The following CSMD3 variants were observed in gnomAD, a reference collection of about 807,000 sequenced individuals.
The protein encoded by CSMD3 is CUB and sushi domain-containing protein 3.
In CSMD3, 177 loss-of-function variants were observed where a neutral mutation model predicts 435.2. The ratio of observed to expected loss-of-function variants is 0.41; its 90% CI spans 0.36 to 0.46. The LOEUF (loss-of-function observed/expected upper bound fraction) is 0.46. Among genes scored for constraint, CSMD3 ranks in the 20% least tolerant of loss-of-function variants. CSMD3 has a pLI of 0.34. For synonymous variants in CSMD3, 1,656 were observed against 1,520.5 expected (o/e 1.09, Z -2.07); for missense variants, 4,265 against 4,504.6 (o/e 0.95, Z 1.52).
intron 23 of CSMD3, among the ~76,000 whole-genome samples, chr8:112,584,728 T>C (rs145465950): frequency 1.0e-3 from 158 of 151,354 alleles, no homozygotes; most frequent in Non-Finnish European, 3.8e-4. Context: ...GAAAAAGCAA[T>C]GATTTTAAAT....
chr8:112,647,520 A>T (rs551878567), intron 19 of CSMD3, among the ~76,000 whole-genome samples: 6 of 151,982 alleles, frequency 3.9e-5, no homozygotes, highest in Admixed American at 6.6e-5. Context: ...GTTAGCCAGG[A>T]TGGTCTCGAT....
At chr8:112,373,561 T>G (rs930616692) in intron 38 of CSMD3, among the ~76,000 whole-genome samples, 2 of 152,144 alleles carry the variant, frequency 1.3e-5, no homozygotes, top group Non-Finnish European at 2.9e-5. Flanking sequence ...AAAACACAGT[T>G]TTCTCTTCCA....
chr8:112,926,182 C>T (rs2082903160), intron 9 of CSMD3, among the ~76,000 whole-genome samples: 1 of 152,082 alleles, frequency 6.6e-6, no homozygotes, highest in African/African-American at 2.4e-5. Context: ...TGTGCTTTCA[C>T]TGTATTAACT....
At chr8:112,891,464 C>A (rs2081787736) in intron 10 of CSMD3, among the ~76,000 whole-genome samples, 2 of 151,460 alleles carry the variant, frequency 1.3e-5, no homozygotes, top group South Asian at 4.2e-4. Flanking sequence ...TTTAACTGGG[C>A]AGATGTTTTT....
At position 112,421,859 on chromosome 8, in the gene CSMD3, A is replaced by G. The variant is rs180678411; in HGVS notation, c.5396-12827T>C. On this transcript the variant is annotated intron_variant, in intron 32 of 70. Transcript: ENST00000297405. ...AGTTATCATTCATTAAACCCTTACT[A>G]TATGTAATGGACTGTGCAAAGTTCT... Among the ~76,000 whole-genome samples, 11 of 152,064 alleles carry G rather than the reference A, an allele frequency of 7.2e-5. No individual in the cohort carries two copies. The East Asian group carries it at 1.9e-3, about 27-fold the overall frequency.
intron 27 of CSMD3, among the ~76,000 whole-genome samples, chr8:112,527,077 A>T (rs1825049728): frequency 6.6e-6 from 1 of 151,950 alleles, no homozygotes; most frequent in Non-Finnish European, 1.5e-5. Flanking sequence ...AAAAAATAGC[A>T]ATATGGTAGA....
intron 27 of CSMD3, among the ~76,000 whole-genome samples, chr8:112,530,136 GA>G (rs1825378990): frequency 6.6e-6 from 1 of 151,746 alleles, no homozygotes; most frequent in Admixed American, 6.6e-5. Flanking sequence ...ACAAAATAAT[GA>G]AAAAAGTGAA....
At chr8:112,456,083 C>T (rs937489278) in intron 32 of CSMD3, among the ~76,000 whole-genome samples, 4 of 151,832 alleles carry the variant, frequency 2.6e-5, no homozygotes, top group African/African-American at 4.8e-5. Flanking sequence ...ACATAATTTC[C>T]TCAGTAAATG....
chr8:112,877,592 A>T (rs1418715008), intron 10 of CSMD3, among the ~76,000 whole-genome samples: 1 of 152,156 alleles, frequency 6.6e-6, no homozygotes, highest in African/African-American at 2.4e-5. Flanking sequence ...GAACCAAAAA[A>T]GAGTCCATAT....
chr8:112,223,412 C>CA lies in CSMD3; in HGVS notation c.*1358dup. On this transcript the variant is annotated 3_prime_UTR_variant, in exon 71 of 71. Transcript: ENST00000297405. ...GAAAGGGACAACAACAAAGAGTTAACACTGGGTACATGATCGTATTCAATG... is the reference window on the plus strand; with the variant it reads ...GAAAGGGACAACAACAAAGAGTTAACAACTGGGTACATGATCGTATTCAATG... 4.3e-6 allele frequency: 1 copy of CA among 231,448 alleles called. No individual in the cohort carries two copies. Among genetic ancestry groups the CA allele is most frequent in the Non-Finnish European group, 8.3e-6 (1 of 120,656 alleles). The allele number at this position is 231,448 out of a possible 1,614,324, so 14.3% of individuals were successfully genotyped here.
intron 5 of CSMD3, among the ~76,000 whole-genome samples, chr8:113,025,671 A>T (rs2086849582): frequency 6.6e-6 from 1 of 152,102 alleles, no homozygotes; most frequent in African/African-American, 2.4e-5. Context: ...GTGGGTTGGC[A>T]GGGGAGTGGA....
At chr8:113,215,276 G>A (rs2092889941) in intron 3 of CSMD3, among the ~76,000 whole-genome samples, 1 of 151,792 alleles carries the variant, frequency 6.6e-6, no homozygotes, top group South Asian at 2.1e-4. Flanking sequence ...CAAGGCAGTG[G>A]TCAACATAGG....
intron 29 of CSMD3, 95 bp downstream of exon 29, chr8:112,506,596 T>C (rs1822547903): frequency 8.4e-7 from 1 of 1,187,240 alleles, no homozygotes; most frequent in Non-Finnish European, 1.2e-6. Context: ...AAAAATGCTA[T>C]ATACAGAAAT....
chr8:112,504,031 A>T (rs894991014), intron 29 of CSMD3, 54 bp from the exon 30 acceptor site: 1 of 1,141,494 alleles, frequency 8.8e-7, no homozygotes. Context: ...GATAATTATT[A>T]TTAGGCTGTT....
At chr8:112,411,683 C>T (rs1811369514) in intron 32 of CSMD3, among the ~76,000 whole-genome samples, 1 of 151,846 alleles carries the variant, frequency 6.6e-6, no homozygotes, top group South Asian at 2.1e-4. Context: ...CCTAATACTC[C>T]CAGTCAGAAG....
chr8:112,710,949 C>A (rs1259673730), intron 13 of CSMD3, among the ~76,000 whole-genome samples: 1 of 151,782 alleles, frequency 6.6e-6, no homozygotes, highest in Non-Finnish European at 1.5e-5. Context: ...GAATTAGATC[C>A]ACTTTCTGGA....
At chr8:112,744,046 T>G (rs986050100) in intron 13 of CSMD3, among the ~76,000 whole-genome samples, 2 of 152,086 alleles carry the variant, frequency 1.3e-5, no homozygotes, top group Non-Finnish European at 2.9e-5. Flanking sequence ...ATAATTTTTA[T>G]GAAAAGGTTG....
chr8:112,642,165 T>C (rs190998802), intron 20 of CSMD3, among the ~76,000 whole-genome samples: 142 of 152,216 alleles, frequency 9.3e-4, no homozygotes, highest in Admixed American at 2.3e-3. Context: ...TGCCACCAGC[T>C]ATTACCTAAA....
chr8:112,885,051 C>T (rs1441819757), intron 10 of CSMD3, among the ~76,000 whole-genome samples: 2 of 151,700 alleles, frequency 1.3e-5, no homozygotes, highest in Non-Finnish European at 2.9e-5. Flanking sequence ...TCTCTAAAAG[C>T]TATCTTATTA....
Sources: allele counts gnomAD v4.1 joint callset (sites outside exome capture counted in the v4.1 genomes callset), GRCh38; gene constraint gnomAD v4.1.1; transcripts MANE v1.5; gene names NCBI Gene and HGNC (gene_info 2026-07-23, HGNC 2026-07-21).